GGA1: variants seen among roughly 807,000 people sequenced by gnomAD.
GGA1 encodes golgi associated, gamma adaptin ear containing, ARF binding protein 1, also known as ADP-ribosylation factor-binding protein GGA1.
In GGA1, 18 loss-of-function variants were observed where a neutral mutation model predicts 76.9. That is an observed-to-expected ratio of 0.23 (90% CI 0.16 to 0.35). GGA1 has a LOEUF of 0.35. GGA1 is among the 10% of genes least tolerant of loss of function. The pLI is 1.00. For synonymous variants in GGA1, 342 were observed against 354.7 expected (o/e 0.96, Z 0.40); for missense variants, 755 against 859.0 (o/e 0.88, Z 1.51).
At chr22:37,614,614 T>G (rs1348157867) in intron 2 of GGA1, among the ~76,000 whole-genome samples, 2 of 152,232 alleles carry the variant, frequency 1.3e-5, no homozygotes, top group East Asian at 1.9e-4. Context: ...GAGAACTGCA[T>G]GTTCCCCAAT....
chr22:37,631,149 C>T (rs368143014), intron 14 of GGA1, 50 bp downstream of exon 14: 57 of 1,381,828 alleles, frequency 4.1e-5, no homozygotes, highest in Non-Finnish European at 5.5e-5. Flanking sequence ...GCTTGCTGCC[C>T]TGTCAGGAGC....
intron 1 of GGA1, chr22:37,609,441 T>A: frequency 1.9e-6 from 1 of 514,280 alleles, no homozygotes; most frequent in Non-Finnish European, 2.6e-6. Flanking sequence ...TCCTAGTCTC[T>A]AGCCACATAG....
chr22:37,613,383 C>G (rs1928109498), intron 1 of GGA1, among the ~76,000 whole-genome samples: 1 of 151,876 alleles, frequency 6.6e-6, no homozygotes, highest in Non-Finnish European at 1.5e-5. Context: ...GAGTCCCCTC[C>G]TCTGTGTTTC....
At chr22:37,631,543 C>G (rs1158337186) in intron 14 of GGA1, among the ~76,000 whole-genome samples, 1 of 152,204 alleles carries the variant, frequency 6.6e-6, no homozygotes, top group Admixed American at 6.5e-5. Context: ...CAGCATTGCC[C>G]TCTATGAGCT....
At chr22:37,613,713 C>T (rs1158927563) in intron 1 of GGA1, among the ~76,000 whole-genome samples, 1 of 152,094 alleles carries the variant, frequency 6.6e-6, no homozygotes, top group Non-Finnish European at 1.5e-5. Context: ...CTCTGTGTTT[C>T]TACAGCTCCT....
chr22:37,623,806 G>T lies in GGA1; in HGVS notation c.832+173G>T. On this transcript the variant is annotated intron_variant, in intron 9 of 16. Transcript: ENST00000343632. The surrounding 1 kb of genome is among the most constrained non-coding windows in gnomAD (Gnocchi z 4.6). ...TCTCTGAGGACACAGAGCAGGGGCCGCCCCCCTGTTGAGAGGCCCTGTGGG... is the reference window on the plus strand; with the variant it reads ...TCTCTGAGGACACAGAGCAGGGGCCTCCCCCCTGTTGAGAGGCCCTGTGGG... 5 of 591,666 alleles carry T rather than the reference G, an allele frequency of 8.5e-6. No homozygotes were observed. The highest frequency in any genetic ancestry group is 6.0e-5 in the South Asian group (3 of 50,418). 36.7% of individuals were successfully genotyped at this position (591,666 alleles called of 1,614,324 possible).
At position 37,625,715 on chromosome 22, in the gene GGA1, G is replaced by T. The variant is rs184995817; in HGVS notation, c.941-82G>T. 2 of 1,094,154 alleles carry T rather than the reference G, an allele frequency of 1.8e-6. No homozygotes were observed. The highest frequency in any genetic ancestry group is 5.0e-5 in the Admixed American group (2 of 39,776). The allele number at this position is 1,094,154 out of a possible 1,614,324, so 67.8% of individuals were successfully genotyped here. A position where few individuals can be genotyped will look rare whatever the true frequency, so the allele number is the denominator to read the frequency against. ...CCAGTGGTAAAGCATCGGGGGTTAG[G>T]TGTTGCTCCCCCGCAACCCCTGTGG... On this transcript the variant is annotated intron_variant, in intron 10 of 16. Coordinates refer to ENST00000343632, the MANE Select transcript of GGA1 (RefSeq NM_013365.5). This position sits in a 1 kb window ranked among gnomAD's most constrained non-coding sequence, Gnocchi z 4.1.
rs1931949807 is a variant in GGA1 at position 37,632,232 on chromosome 22, G to A, written c.1698+67G>A. The A allele has an allele frequency of 6.7e-7, 1 of 1,499,348 alleles. No individual in the cohort carries two copies. The highest frequency in any genetic ancestry group is 9.2e-7 in the Non-Finnish European group (1 of 1,088,940). The allele number at this position is 1,499,348 out of a possible 1,614,324, so 92.9% of individuals were successfully genotyped here. A position where few individuals can be genotyped will look rare whatever the true frequency, so the allele number is the denominator to read the frequency against. Reference sequence around the variant, plus strand: ...GGCAGGGTGACATGGAGCTGGGTGGGGAGCCACCTGTCAGGGGGCAGGTCT... The same window carrying A: ...GGCAGGGTGACATGGAGCTGGGTGGAGAGCCACCTGTCAGGGGGCAGGTCT... On this transcript the variant is annotated intron_variant, in intron 15 of 16. Transcript: ENST00000343632. The surrounding 1 kb of genome is among the most constrained non-coding windows in gnomAD (Gnocchi z 5.1).
At chr22:37,620,457 C>T in intron 5 of GGA1, 96 bp downstream of exon 5, 4 of 1,332,662 alleles carry the variant, frequency 3.0e-6, no homozygotes, top group Non-Finnish European at 4.3e-6. Flanking sequence ...TCTGAGCCAG[C>T]AAGGTCATGG....
At chr22:37,629,562 A>C (rs368863855) in intron 12 of GGA1, 36 bp downstream of exon 12, 2 of 1,334,986 alleles carry the variant, frequency 1.5e-6, no homozygotes, top group Non-Finnish European at 2.1e-6. Flanking sequence ...GGCCTGTCCC[A>C]GTCCCAGGGT....
Position 37,633,135 on chromosome 22 carries a change from G to A in GGA1, c.*424G>A, listed in dbSNP as rs1932103973. On this transcript the variant is annotated 3_prime_UTR_variant, in exon 17 of 17. Coordinates refer to ENST00000343632, the MANE Select transcript of GGA1 (RefSeq NM_013365.5). ...CAGCCATAACTCGGGGGCCATGCTG[G>A]AGCTGGGGACCAGCTTAGGCCTCCT... 5.7e-6 allele frequency: 1 copy of A among 175,308 alleles called. No homozygotes were observed. Among genetic ancestry groups the A allele is most frequent in the African/African-American group, 2.4e-5 (1 of 42,342 alleles). The allele number at this position is 175,308 out of a possible 1,614,324, so 10.9% of individuals were successfully genotyped here.
At chr22:37,630,727 C>T in intron 13 of GGA1, 176 bp from the exon 14 acceptor site, 1 of 581,938 alleles carries the variant, frequency 1.7e-6, no homozygotes, top group Non-Finnish European at 3.0e-6. Context: ...CTACCACGCC[C>T]AGCTAGTTTT....
intron 14 of GGA1, 94 bp from the exon 15 acceptor site, chr22:37,631,902 C>A: frequency 1.9e-6 from 2 of 1,071,266 alleles, no homozygotes; most frequent in Non-Finnish European, 2.7e-6. Flanking sequence ...GCCAGTACAG[C>A]AGCCAGCTCC....
At position 37,623,670 on chromosome 22, in the gene GGA1, C is replaced by A. The variant is rs200163567; in HGVS notation, c.832+37C>A. 2.8e-5 allele frequency: 38 copies of A among 1,377,988 alleles called. No individual in the cohort carries two copies. The highest frequency in any genetic ancestry group is 3.9e-5 in the Admixed American group (2 of 50,818). 85.4% of individuals were successfully genotyped at this position (1,377,988 alleles called of 1,614,324 possible). A position where few individuals can be genotyped will look rare whatever the true frequency, so the allele number is the denominator to read the frequency against. ...GCAGGTGCTGAGGTCAGGTCCCCCCCTCTCCCTCCACCTCCTGCCCCCACC... is the reference window on the plus strand; with the variant it reads ...GCAGGTGCTGAGGTCAGGTCCCCCCATCTCCCTCCACCTCCTGCCCCCACC... On this transcript the variant is annotated intron_variant, in intron 9 of 16. Transcript: ENST00000343632. This position sits in a 1 kb window ranked among gnomAD's most constrained non-coding sequence, Gnocchi z 4.6.
At chr22:37,613,715 A>G (rs1013496920) in intron 1 of GGA1, among the ~76,000 whole-genome samples, 2 of 151,946 alleles carry the variant, frequency 1.3e-5, no homozygotes, top group Non-Finnish European at 2.9e-5. Context: ...CTGTGTTTCT[A>G]CAGCTCCTTG....
intron 1 of GGA1, 114 bp downstream of exon 1, chr22:37,609,017 G>A: frequency 7.3e-7 from 1 of 1,369,620 alleles, no homozygotes; most frequent in Non-Finnish European, 9.4e-7. Flanking sequence ...CCCCGCCCCC[G>A]GCCCGGGAGG....
rs187448595 is a variant in GGA1, at chr22:37,619,995, T to C, written c.304-243T>C. On this transcript the variant is annotated intron_variant, in intron 4 of 16. Coordinates refer to ENST00000343632, the MANE Select transcript of GGA1 (RefSeq NM_013365.5). Reference sequence around the variant, plus strand: ...GCCTGTCCCTCATGTCAGTTCTGCATCCTCACCATGGTGCCATCTAGCAGG... The same window carrying C: ...GCCTGTCCCTCATGTCAGTTCTGCACCCTCACCATGGTGCCATCTAGCAGG... The C allele has an allele frequency of 2.8e-4, 177 of 621,250 alleles. 1 individual carries two copies. Among genetic ancestry groups the C allele is most frequent in the Middle Eastern group, 2.7e-3 (8 of 3,016 alleles). 38.5% of individuals were successfully genotyped at this position (621,250 alleles called of 1,614,324 possible). A position where few individuals can be genotyped will look rare whatever the true frequency, so the allele number is the denominator to read the frequency against.
rs774859526 is a variant in GGA1, at chr22:37,625,297, G to A, written c.940+221G>A. On this transcript the variant is annotated intron_variant, in intron 10 of 16. Coordinates refer to ENST00000343632, the MANE Select transcript of GGA1 (RefSeq NM_013365.5). This position sits in a 1 kb window ranked among gnomAD's most constrained non-coding sequence, Gnocchi z 4.1. ...GGTGGGGGAGCTGAGGGTTTGGTGAGGACAGGCAGAAGAAGGAAGGCATTC... is the reference window on the plus strand; with the variant it reads ...GGTGGGGGAGCTGAGGGTTTGGTGAAGACAGGCAGAAGAAGGAAGGCATTC... Among the ~76,000 whole-genome samples, 11 of 152,252 alleles carry A rather than the reference G, an allele frequency of 7.2e-5. No individual in the cohort carries two copies. Among genetic ancestry groups the A allele is most frequent in the Non-Finnish European group, 1.3e-4 (9 of 68,012 alleles).
intron 11 of GGA1, among the ~76,000 whole-genome samples, chr22:37,627,867 G>A (rs1261725066): frequency 6.6e-6 from 1 of 152,204 alleles, no homozygotes; most frequent in Non-Finnish European, 1.5e-5. Flanking sequence ...GGCAGGGGTG[G>A]GAGACAGGTT....
Sources: gnomAD v4.1 joint callset for allele counts (sites outside exome capture counted in the v4.1 genomes callset) on GRCh38, gnomAD v4.1.1 for gene constraint, Gnocchi (gnomAD v3.1) non-coding constraint, MANE v1.5 for transcripts, NCBI Gene and HGNC (gene_info 2026-07-23, HGNC 2026-07-21) for gene names.